ERMAP: variants seen among roughly 807,000 people sequenced by gnomAD.
The protein encoded by ERMAP is erythroid membrane-associated protein.
ERMAP carries 34 observed loss-of-function variants against 49.5 expected under a neutral mutation model. The ratio of observed to expected loss-of-function variants is 0.69; its 90% CI spans 0.52 to 0.91. The LOEUF (loss-of-function observed/expected upper bound fraction) is 0.91. Among genes scored for constraint, ERMAP ranks in the 40% least tolerant of loss-of-function variants. The pLI, the probability that ERMAP is intolerant of heterozygous loss-of-function variation, is 0.00. For missense variants in ERMAP, 541 were observed against 582.6 expected, an observed-to-expected ratio of 0.93 and a Z score of 0.74; for synonymous variants, 214 against 232.2, an observed-to-expected ratio of 0.92 and a Z score of 0.71.
At chr1:42,836,218 A>G (rs1169146313) in intron 6 of ERMAP, among the ~76,000 whole-genome samples, 4 of 152,238 alleles carry the variant, frequency 2.6e-5, no homozygotes, top group Admixed American at 2.6e-4. Context: ...AAGCTACACA[A>G]GAAAGCTCCT....
At chr1:42,824,652 T>C (rs1434183241) in intron 1 of ERMAP, 3 of 152,172 alleles carry the variant, frequency 2.0e-5, no homozygotes, top group Non-Finnish European at 4.4e-5. Context: ...GAAAAGTCAA[T>C]AAAAGGTGCA....
chr1:42,835,881 G>A, intron 6 of ERMAP, 117 bp downstream of exon 6: 1 of 1,458,496 alleles, frequency 6.9e-7, no homozygotes, highest in Non-Finnish European at 9.0e-7. Context: ...GCTATCCTTG[G>A]TGATGGTGGC....
At chr1:42,830,268 C>T in intron 2 of ERMAP, 176 bp from the exon 3 acceptor site, 1 of 605,522 alleles carries the variant, frequency 1.7e-6, no homozygotes, top group Non-Finnish European at 3.0e-6. Flanking sequence ...AACACAGTCT[C>T]AGAGAAGTTC....
At chr1:42,825,538 C>A in intron 1 of ERMAP, 85 bp from the exon 2 acceptor site, 1 of 1,209,560 alleles carries the variant, frequency 8.3e-7, no homozygotes, top group Non-Finnish European at 1.0e-6. Context: ...ACAGGGACAG[C>A]GAGAAGGGAG....
chr1:42,822,692 T>A (rs1654435023), intron 1 of ERMAP, among the ~76,000 whole-genome samples: 1 of 152,204 alleles, frequency 6.6e-6, no homozygotes, highest in Non-Finnish European at 1.5e-5. Flanking sequence ...CATCCTACAG[T>A]GCTATAAAAC....
intron 5 of ERMAP, 75 bp downstream of exon 5, chr1:42,835,229 G>A: frequency 1.3e-6 from 1 of 779,164 alleles, no homozygotes. Context: ...CCAGACGGAA[G>A]TAGATGTAGA....
In ERMAP at chr1:42,844,575, G is replaced by A. The variant is rs1387090386; in HGVS notation, c.*1343G>A. ...AAGTCAGCAAGATGGAGTCCCATGA[G>A]AGCTGATGGTTTAGTTCCAGTCTGA... On this transcript the variant is annotated 3_prime_UTR_variant, in exon 12 of 12. Coordinates refer to ENST00000372517, the MANE Select transcript of ERMAP (RefSeq NM_001017922.2). The surrounding 1 kb of genome is among the most constrained non-coding windows in gnomAD (Gnocchi z 4.0). 1 of 153,568 alleles carries A rather than the reference G, an allele frequency of 6.5e-6. No individual in the cohort carries two copies. Among genetic ancestry groups the A allele is most frequent in the Non-Finnish European group, 1.5e-5 (1 of 68,936 alleles). The allele number at this position is 153,568 out of a possible 1,614,324, so 9.5% of individuals were successfully genotyped here. A position where few individuals can be genotyped will look rare whatever the true frequency, so the allele number is the denominator to read the frequency against.
Position 42,840,279 on chromosome 1 carries a change from G to C in ERMAP, c.695G>C (p.Arg232Thr). The C allele has an allele frequency of 6.2e-7, 1 of 1,614,154 alleles. No individual in the cohort carries two copies. Among genetic ancestry groups the C allele is most frequent in the South Asian group, 1.1e-5 (1 of 91,078 alleles). ...KRAAANSGWR[R>T]ARLHFVAVTL... ...TTTTCTCATTTTTCAGGCTGGAGAAGAGCCCGGTTGCATTTTGGTAAGTTA... is the reference window on the plus strand; with the variant it reads ...TTTTCTCATTTTTCAGGCTGGAGAACAGCCCGGTTGCATTTTGGTAAGTTA... The change falls in exon 11 of 12, where the codon AGA (arginine) becomes ACA (threonine). Residue 232 changes from arginine to threonine, a missense_variant. Physicochemically the swap from Arg to Thr is moderately conservative, Grantham distance 71 (BLOSUM62 -1). Transcript: ENST00000372517.
chr1:42,830,371 G>C (rs1160090773), intron 2 of ERMAP, 73 bp from the exon 3 acceptor site: 1 of 1,366,268 alleles, frequency 7.3e-7, no homozygotes, highest in African/African-American at 1.4e-5. Flanking sequence ...TCTCGGCCTC[G>C]GCTCCTGGGT....
intron 8 of ERMAP, chr1:42,839,608 C>T (rs895545687): frequency 2.5e-5 from 5 of 197,704 alleles, no homozygotes; most frequent in Admixed American, 5.3e-5. Context: ...GAAACTCCAT[C>T]TCAAAATAAA....
At position 42,842,896 on chromosome 1, in the gene ERMAP, T is replaced by A; in HGVS notation, c.1092T>A (p.Tyr364Ter). 2 of 1,614,224 alleles carry A rather than the reference T, an allele frequency of 1.2e-6. No homozygotes were observed. The highest frequency in any genetic ancestry group is 1.7e-6 in the Non-Finnish European group (2 of 1,180,046). Residue 364 changes from tyrosine to a stop codon, truncating the protein, a stop_gained, in exon 12 of 12, where the codon TAT becomes TAA. Transcript: ENST00000372517. LOFTEE classifies it high-confidence loss of function. Reference sequence around the variant, plus strand: ...GGTGTGTGGGGATTTTCCTGGACTATGAAGCAGGAGTCATCTCTTTCTACA... The same window carrying A: ...GGTGTGTGGGGATTTTCCTGGACTAAGAAGCAGGAGTCATCTCTTTCTACA... ...PPRCVGIFLD[Y>*]EAGVISFYNV...
Position 42,826,854 on chromosome 1 carries a change from C to CAA in ERMAP, c.-6+1131_-6+1132dup, listed in dbSNP as rs11405842. 9.4e-3 allele frequency among the ~76,000 whole-genome samples: 1,252 copies of CAA among 133,878 alleles called. 26 individuals carry two copies. The highest frequency in any genetic ancestry group is 0.058 in the South Asian group (234 of 4,064). 87.8% of individuals were successfully genotyped at this position (133,878 alleles called of 152,430 possible). A position where few individuals can be genotyped will look rare whatever the true frequency, so the allele number is the denominator to read the frequency against. On this transcript the variant is annotated intron_variant, in intron 2 of 11. Transcript: ENST00000372517. ...TTGGCGGCAGAGTGAAACTCTGTCT[C>CAA]AAAAAAAAAAAAAAAAGTTACAAAA...
chr1:42,818,991 C>T (rs1222779377), intron 1 of ERMAP, among the ~76,000 whole-genome samples: 3 of 152,090 alleles, frequency 2.0e-5, no homozygotes, highest in Non-Finnish European at 4.4e-5. Flanking sequence ...TAGATTACAG[C>T]TGAAGACACG....
In ERMAP at chr1:42,835,142, A is replaced by G. The variant is rs750756139; in HGVS notation, c.538A>G (p.Arg180Gly). The G allele has an allele frequency of 7.0e-7, 1 of 1,422,402 alleles. No individual in the cohort carries two copies. Among genetic ancestry groups the G allele is most frequent in the Non-Finnish European group, 1.0e-6 (1 of 1,004,878 alleles). The allele number at this position is 1,422,402 out of a possible 1,614,324, so 88.1% of individuals were successfully genotyped here. The change falls in exon 5 of 12, where the codon AGA (arginine) becomes GGA (glycine). Residue 180 changes from arginine to glycine, a missense_variant. Arg to Gly is a moderately radical substitution (Grantham distance 125). Transcript: ENST00000372517. ...GTGCCTTTGCCTTATCTGGAAGCAA[A>G]GAAGAGCAAAAGGTAATTAAATGGT... ...MVCLCLIWKQ[R>G]RAKEKLLYEH...
rs1167288951 is a variant in ERMAP at position 42,825,537 on chromosome 1, G to A, written c.-121-86G>A. On this transcript the variant is annotated intron_variant, in intron 1 of 11. Transcript: ENST00000372517. ...TGTGGCTTGCTGGTTTACAGGGACA[G>A]CGAGAAGGGAGTTCTGTGGGGGCAG... 5.8e-6 allele frequency: 7 copies of A among 1,209,724 alleles called. No homozygotes were observed. In the African/African-American group the frequency reaches 9.5e-5, roughly 16 times the overall value. The allele number at this position is 1,209,724 out of a possible 1,614,324, so 74.9% of individuals were successfully genotyped here. A position where few individuals can be genotyped will look rare whatever the true frequency, so the allele number is the denominator to read the frequency against.
chr1:42,840,432 T>C (rs1655024543), intron 11 of ERMAP, 136 bp downstream of exon 11: 16 of 1,015,674 alleles, frequency 1.6e-5, no homozygotes, highest in Non-Finnish European at 2.2e-5. Context: ...TATCTGACTA[T>C]CAAATTAAAA....
chr1:42,837,214 G>A, intron 7 of ERMAP, 24 bp downstream of exon 7: 3 of 1,608,780 alleles, frequency 1.9e-6, no homozygotes, highest in Non-Finnish European at 2.6e-6. Context: ...AGAGTAAGGG[G>A]TAGGGAACAA....
intron 6 of ERMAP, among the ~76,000 whole-genome samples, chr1:42,836,191 C>T (rs1407209658): frequency 6.6e-6 from 1 of 151,986 alleles, no homozygotes; most frequent in South Asian, 2.1e-4. Flanking sequence ...ATAGTTAACA[C>T]AAATAAATGT....
intron 4 of ERMAP, among the ~76,000 whole-genome samples, chr1:42,831,548 A>G (rs1475891267): frequency 7.6e-6 from 1 of 132,280 alleles, no homozygotes; most frequent in Non-Finnish European, 1.6e-5. Context: ...AGGAAGGGAG[A>G]GATAGTGTTT....
Sources: gnomAD v4.1 joint callset for allele counts (sites outside exome capture counted in the v4.1 genomes callset) on GRCh38, gnomAD v4.1.1 for gene constraint, Gnocchi (gnomAD v3.1) non-coding constraint, MANE v1.5 for transcripts, NCBI Gene and HGNC (gene_info 2026-07-23, HGNC 2026-07-21) for gene names.